The following GGPS1 variants were observed in gnomAD, a reference collection of about 807,000 sequenced individuals.
GGPS1 encodes the protein geranylgeranyl diphosphate synthase 1.
In GGPS1, 15 loss-of-function variants were observed where a neutral mutation model predicts 28.1. The observed-to-expected ratio is 0.53, with a 90% CI of 0.36 to 0.82. The LOEUF is 0.82. Ranked by LOEUF, GGPS1 falls within the 40% of genes least tolerant of loss-of-function variation. The pLI is 0.01. For missense variants in GGPS1, 284 were observed against 348.3 expected, an observed-to-expected ratio of 0.82 and a Z score of 1.47; for synonymous variants, 138 against 122.4, an observed-to-expected ratio of 1.13 and a Z score of -0.84.
intron 2 of GGPS1, among the ~76,000 whole-genome samples, chr1:235,338,496 G>C (rs989206629): frequency 6.6e-6 from 1 of 152,132 alleles, no homozygotes; most frequent in African/African-American, 2.4e-5. Context: ...ATATTGTACT[G>C]TTTTCTATAT....
chr1:235,337,209 G>T (rs1396829911), intron 2 of GGPS1: 2 of 152,656 alleles, frequency 1.3e-5, no homozygotes, highest in Non-Finnish European at 2.9e-5. Flanking sequence ...AGTTATCAGT[G>T]CTGACAAAAG....
chr1:235,338,314 T>G (rs1558326377), intron 2 of GGPS1, among the ~76,000 whole-genome samples: 1 of 150,628 alleles, frequency 6.6e-6, no homozygotes, highest in Non-Finnish European at 1.5e-5. Flanking sequence ...CCTGGGAGGT[T>G]GAGGCTGCAG....
chr1:235,328,309 A>AC (rs1305593998), upstream of GGPS1: 1 of 147,810 alleles, frequency 6.8e-6, no homozygotes, highest in Non-Finnish European at 1.5e-5. Context: ...GTTCTTTAGA[A>AC]CCCGCCTATA....
Position 235,343,321 on chromosome 1 carries a change from C to G in GGPS1, c.*549C>G, listed in dbSNP as rs1020729204. On this transcript the variant is annotated 3_prime_UTR_variant, in exon 4 of 4. Transcript: ENST00000282841. ...CTGTAATCCCAGCACTTTGGGAGGC[C>G]GAGGCGGGCAGATCACGAGGTCAGG... The G allele has an allele frequency of 1.8e-5, 3 of 163,178 alleles. No homozygotes were observed. The highest frequency in any genetic ancestry group is 6.6e-5 in the Admixed American group (1 of 15,258). The allele number at this position is 163,178 out of a possible 1,614,324, so 10.1% of individuals were successfully genotyped here. A position where few individuals can be genotyped will look rare whatever the true frequency, so the allele number is the denominator to read the frequency against.
Position 235,342,450 on chromosome 1 carries a change from A to G in GGPS1, c.581A>G (p.His194Arg). Reference sequence around the variant, plus strand: ...ATTAGGGATGATTATGCTAATCTACACTCCAAAGAATATAGTGAAAACAAA... The same window carrying G: ...ATTAGGGATGATTATGCTAATCTACGCTCCAAAGAATATAGTGAAAACAAA... ...FQIRDDYANLHSKEYSENKSF... is the reference protein window; with the variant it reads ...FQIRDDYANLRSKEYSENKSF... Residue 194 changes from histidine to arginine, a missense_variant, in exon 4 of 4, where the codon CAC (histidine) becomes CGC (arginine). Physicochemically the swap from His to Arg is conservative, Grantham distance 29. Transcript: ENST00000282841. 1.9e-6 allele frequency: 3 copies of G among 1,612,832 alleles called. No homozygotes were observed. The highest frequency in any genetic ancestry group is 1.3e-5 in the African/African-American group (1 of 75,010).
In GGPS1 at chr1:235,343,534, G is replaced by C. The variant is rs1676120274; in HGVS notation, c.*762G>C. 1 of 163,850 alleles carries C rather than the reference G, an allele frequency of 6.1e-6. No individual in the cohort carries two copies. Among genetic ancestry groups the C allele is most frequent in the African/African-American group, 2.4e-5 (1 of 41,262 alleles). 10.1% of individuals were successfully genotyped at this position (163,850 alleles called of 1,614,324 possible). ...CCTCTGCACTCCAGCCTGGGTGACA[G>C]AGCGAGACTCCGTCTCAAAAAAAAG... is the stretch of plus-strand genomic sequence containing the variant. On this transcript the variant is annotated 3_prime_UTR_variant, in exon 4 of 4. Coordinates refer to ENST00000282841, the MANE Select transcript of GGPS1 (RefSeq NM_004837.4).
chr1:235,342,703 T>G lies in GGPS1; in HGVS notation c.834T>G (p.Arg278=). The change falls in exon 4 of 4, where the codon CGT becomes CGG. Residue 278 remains arginine (R), a synonymous_variant. Transcript: ENST00000282841. The stretch of plus-strand genomic sequence containing the variant: ...AAGCCTATAAACAGATTGATGCACG[T>G]GGTGGGAACCCTGAGCTAGTAGCCT... ...EAKAYKQIDA[R]GGNPELVALV... 6.2e-7 allele frequency: 1 copy of G among 1,608,600 alleles called. No individual in the cohort carries two copies. Among genetic ancestry groups the G allele is most frequent in the Non-Finnish European group, 8.5e-7 (1 of 1,176,332 alleles).
chr1:235,330,432 A>T (rs1345811735), intron 1 of GGPS1: 1 of 152,122 alleles, frequency 6.6e-6, no homozygotes, highest in Non-Finnish European at 1.5e-5. Context: ...TTGCAGTGAG[A>T]CGAGATCACG....
At chr1:235,339,617 AG>A (rs1427594583) in intron 2 of GGPS1, among the ~76,000 whole-genome samples, 3 of 151,074 alleles carry the variant, frequency 2.0e-5, no homozygotes, top group Non-Finnish European at 4.4e-5. Flanking sequence ...AAAATTAGCC[AG>A]GTGTGGTGGC....
intron 2 of GGPS1, among the ~76,000 whole-genome samples, chr1:235,336,622 C>G (rs868137124): frequency 5.3e-5 from 8 of 152,000 alleles, no homozygotes; most frequent in African/African-American, 1.5e-4. Flanking sequence ...AAGTCCCCCT[C>G]TCTGTTTTAA....
In GGPS1 at chr1:235,335,719, A is replaced by G. The variant is rs952816473; in HGVS notation, c.70+385A>G. Among the ~76,000 whole-genome samples the G allele has an allele frequency of 1.2e-4, 18 of 152,218 alleles. No individual in the cohort carries two copies. In the South Asian group the frequency reaches 2.9e-3, roughly 25 times the overall value. On this transcript the variant is annotated intron_variant, in intron 2 of 3. Coordinates refer to ENST00000282841, the MANE Select transcript of GGPS1 (RefSeq NM_004837.4). The stretch of plus-strand genomic sequence containing the variant: ...GGCACCCTTTAAAACATATCCAATT[A>G]TTTAACATATCTTGAAAAATAAAAA...
At chr1:235,341,390 A>G (rs528988487) in intron 2 of GGPS1, among the ~76,000 whole-genome samples, 1 of 152,336 alleles carries the variant, frequency 6.6e-6, no homozygotes, top group Admixed American at 6.5e-5. Context: ...CCTAAGTCCT[A>G]AAAGCCCATC....
intron 2 of GGPS1, among the ~76,000 whole-genome samples, chr1:235,338,804 T>G (rs1409498001): frequency 6.6e-6 from 1 of 152,150 alleles, no homozygotes; most frequent in African/African-American, 2.4e-5. Context: ...AGGTCAAGGC[T>G]GCAGTAGGCC....
intron 2 of GGPS1, among the ~76,000 whole-genome samples, chr1:235,340,714 C>T (rs1220090993): frequency 1.1e-4 from 12 of 109,766 alleles, no homozygotes; most frequent in East Asian, 2.6e-4. Context: ...CCAGCCTGGG[C>T]GACAGAGCGA....
Position 235,328,695 on chromosome 1 carries a change from T to G in GGPS1, c.-107T>G, listed in dbSNP as rs1364697831. On this transcript the variant is annotated 5_prime_UTR_variant, in exon 1 of 4. Coordinates refer to ENST00000282841, the MANE Select transcript of GGPS1 (RefSeq NM_004837.4). ...ATGTAGGCATCGGGAAGAGCCTAAG[T>G]CCACATTATAAAATAGGAAGTTGAT... The G allele has an allele frequency of 6.5e-6, 1 of 152,722 alleles. No homozygotes were observed. The highest frequency in any genetic ancestry group is 1.5e-5 in the Non-Finnish European group (1 of 68,146). The allele number at this position is 152,722 out of a possible 1,614,324, so 9.5% of individuals were successfully genotyped here. A position where few individuals can be genotyped will look rare whatever the true frequency, so the allele number is the denominator to read the frequency against.
At chr1:235,335,219 T>G in intron 1 of GGPS1, 23 bp from the exon 2 acceptor site, 1 of 957,738 alleles carries the variant, frequency 1.0e-6, no homozygotes, top group East Asian at 2.4e-5. Flanking sequence ...TCATGTGATC[T>G]TTATGTTTCT....
chr1:235,330,081 G>GA (rs1481383870), intron 1 of GGPS1: 10 of 152,212 alleles, frequency 6.6e-5, no homozygotes, highest in African/African-American at 2.2e-4. Flanking sequence ...TGTGATAGCT[G>GA]AAATTTCCAG....
chr1:235,328,542 A>C (rs1675529006), upstream of GGPS1: 1 of 152,666 alleles, frequency 6.6e-6, no homozygotes, highest in Admixed American at 6.6e-5. Context: ...GCAACAAAGC[A>C]GTAGGGAGGC....
At chr1:235,340,092 C>T (rs533752404) in intron 2 of GGPS1, among the ~76,000 whole-genome samples, 6 of 152,046 alleles carry the variant, frequency 3.9e-5, no homozygotes, top group Non-Finnish European at 8.8e-5. Flanking sequence ...GAGATCACGC[C>T]GCTGCAATCC....
Sources: gnomAD v4.1 joint callset for allele counts (sites outside exome capture counted in the v4.1 genomes callset) on GRCh38, gnomAD v4.1.1 for gene constraint, MANE v1.5 for transcripts, NCBI Gene and HGNC (gene_info 2026-07-23, HGNC 2026-07-21) for gene names.